The following DHX40 variants were observed in gnomAD, a reference collection of about 807,000 sequenced individuals.
DHX40 encodes the protein DEAH-box helicase 40.
Under a neutral mutation model 89.6 loss-of-function variants are expected in DHX40, and 28 were observed. The ratio of observed to expected loss-of-function variants is 0.31; its 90% CI spans 0.23 to 0.43. The LOEUF (loss-of-function observed/expected upper bound fraction) is 0.43. Ranked by LOEUF, DHX40 falls within the 20% of genes least tolerant of loss-of-function variation. The probability of loss-of-function intolerance (pLI) is 1.00; values close to 1 mark genes in which losing one functional copy is unlikely to be tolerated. For missense variants in DHX40, 457 were observed against 844.0 expected (o/e 0.54, Z 5.68); for synonymous variants, 226 against 283.6 (o/e 0.80, Z 2.04).
chr17:59,575,065 A>G (rs2048861954), intron 6 of DHX40, among the ~76,000 whole-genome samples: 1 of 151,664 alleles, frequency 6.6e-6, no homozygotes, highest in Non-Finnish European at 1.5e-5. Flanking sequence ...CTTTGTTAAC[A>G]ATTTGGTGAG....
At chr17:59,565,930 T>G in intron 1 of DHX40, 147 bp downstream of exon 1, 1 of 626,980 alleles carries the variant, frequency 1.6e-6, no homozygotes, top group Non-Finnish European at 2.5e-6. Context: ...AGGCGAACTT[T>G]GCGTCCAATG....
In DHX40 at chr17:59,588,060, T is replaced by A. The variant is rs759792629; in HGVS notation, c.1582+7T>A. ...AACGTCTTCATTAGACCTGGTAAGA[T>A]GTTTATTTTAAGTTGTGTTTTTTAA... On this transcript the variant is annotated splice_region_variant and intron_variant, in intron 12 of 17. Transcript: ENST00000251241. 1 of 1,611,714 alleles carries A rather than the reference T, an allele frequency of 6.2e-7. No individual in the cohort carries two copies.
intron 1 of DHX40, 94 bp downstream of exon 1, chr17:59,565,877 A>C: frequency 4.6e-6 from 5 of 1,075,944 alleles, no homozygotes; most frequent in Non-Finnish European, 6.3e-6. Context: ...GGCTGAGAAG[A>C]GTAGTGAGGA....
At chr17:59,600,566 C>T (rs2030437491) in intron 14 of DHX40, among the ~76,000 whole-genome samples, 1 of 151,726 alleles carries the variant, frequency 6.6e-6, no homozygotes, top group African/African-American at 2.4e-5. Flanking sequence ...TTTACCTCTA[C>T]TGGGCATTGA....
intron 3 of DHX40, among the ~76,000 whole-genome samples, 160 bp downstream of exon 3, chr17:59,570,823 C>T (rs1029410266): frequency 3.1e-4 from 47 of 152,164 alleles, no homozygotes; most frequent in South Asian, 2.1e-4. Flanking sequence ...GCTGGGACTA[C>T]AGGAGCATGC....
At chr17:59,602,463 A>G in intron 14 of DHX40, 59 bp from the exon 15 acceptor site, 1 of 1,425,156 alleles carries the variant, frequency 7.0e-7, no homozygotes. Flanking sequence ...TTTTCAAAAT[A>G]AAAGATTATT....
chr17:59,568,316 G>A (rs755890016), intron 2 of DHX40, among the ~76,000 whole-genome samples: 7 of 152,064 alleles, frequency 4.6e-5, no homozygotes, highest in Non-Finnish European at 1.0e-4. Flanking sequence ...CTGTCATAAG[G>A]TTTGTAAAGA....
At chr17:59,595,017 A>G (rs931192841) in intron 12 of DHX40, among the ~76,000 whole-genome samples, 4 of 152,104 alleles carry the variant, frequency 2.6e-5, no homozygotes, top group African/African-American at 7.2e-5. Context: ...CACCATTCCC[A>G]GTACAGTTGA....
intron 17 of DHX40, among the ~76,000 whole-genome samples, chr17:59,606,320 C>A (rs1031671522): frequency 3.3e-5 from 5 of 152,158 alleles, no homozygotes; most frequent in Admixed American, 6.5e-5. Context: ...CTCACATACA[C>A]AGAAAACTTC....
At chr17:59,566,306 A>G (rs1452427578) in intron 1 of DHX40, among the ~76,000 whole-genome samples, 2 of 152,362 alleles carry the variant, frequency 1.3e-5, no homozygotes, top group South Asian at 2.1e-4. Flanking sequence ...ATTGTTAAAT[A>G]AAATTGAGTT....
chr17:59,605,582 A>G lies in DHX40; in HGVS notation c.2108A>G (p.Asn703Ser). 9 of 1,614,172 alleles carry G rather than the reference A, an allele frequency of 5.6e-6. No individual in the cohort carries two copies. The highest frequency in any genetic ancestry group is 7.6e-6 in the Non-Finnish European group (9 of 1,180,032). The change falls in exon 17 of 18, where the codon AAT becomes AGT. Residue 703 changes from asparagine (N) to serine (S), a missense_variant. Around this residue, in one of 9 missense-constraint regions of DHX40, gnomAD observed 120 missense variants for 161.7 expected, o/e 0.74. Transcript: ENST00000251241. ...TTGTTACCCAAGTTGCATGAATTTA[A>G]TGCACATGATTTGAGCAGTGTGGCC... Reference protein sequence around the residue: ...RDLLPKLHEFNAHDLSSVARR... With the variant: ...RDLLPKLHEFSAHDLSSVARR...
intron 14 of DHX40, among the ~76,000 whole-genome samples, chr17:59,600,854 T>A (rs551605645): frequency 0.022 from 1,189 of 53,590 alleles, 3 homozygotes; most frequent in African/African-American, 0.034. Flanking sequence ...CTCAAAAAAA[T>A]TTTTTTTTTT....
intron 12 of DHX40, among the ~76,000 whole-genome samples, chr17:59,590,351 C>T (rs1434592413): frequency 2.0e-5 from 3 of 148,174 alleles, no homozygotes; most frequent in South Asian, 2.2e-4. Flanking sequence ...CTGGAAGTGT[C>T]GGGTCCAGAT....
intron 6 of DHX40, among the ~76,000 whole-genome samples, chr17:59,574,558 T>TAC (rs1308501477): frequency 6.6e-6 from 1 of 150,494 alleles, no homozygotes; most frequent in Non-Finnish European, 1.5e-5. Context: ...TATGTATATA[T>TAC]ACACACACAT....
chr17:59,570,211 TTATATATTAAA>T (rs1307137763), intron 2 of DHX40, among the ~76,000 whole-genome samples: 1 of 122,934 alleles, frequency 8.1e-6, no homozygotes, highest in Admixed American at 1.0e-4. Flanking sequence ...ATAATATATA[TTATATATTAAA>T]TATATATTAG....
intron 15 of DHX40, among the ~76,000 whole-genome samples, chr17:59,603,024 CAG>C (rs1189307063): frequency 3.3e-5 from 5 of 152,040 alleles, no homozygotes; most frequent in South Asian, 2.1e-4. Flanking sequence ...GGGCATCAGT[CAG>C]AGTGTAGTGA....
chr17:59,577,302 G>T lies in DHX40; in HGVS notation c.1010G>T (p.Gly337Val). Residue 337 changes from glycine to valine, a missense_variant, in exon 8 of 18, where the codon GGA becomes GTA. Transcript: ENST00000251241. ...AGGATATTTTTGCCACCACCACCTGGAATTAGAAAATGTGTCATATCCACC... is the reference window on the plus strand; with the variant it reads ...AGGATATTTTTGCCACCACCACCTGTAATTAGAAAATGTGTCATATCCACC... ...QRRIFLPPPP[G>V]IRKCVISTNI... The T allele has an allele frequency of 6.2e-7, 1 of 1,613,866 alleles. No homozygotes were observed. The highest frequency in any genetic ancestry group is 8.5e-7 in the Non-Finnish European group (1 of 1,179,854).
chr17:59,594,383 C>CTGA (rs2049122831), intron 12 of DHX40, among the ~76,000 whole-genome samples: 1 of 151,460 alleles, frequency 6.6e-6, no homozygotes, highest in Non-Finnish European at 1.5e-5. Flanking sequence ...ATCCTTTCCC[C>CTGA]ATCCTTTCCT....
rs527782523 is a variant in DHX40 at position 59,598,447 on chromosome 17, C to G, written c.1583-290C>G. ...TTTTTTTTTCTGTAAGCATGGATTA[C>G]TCTTATAACAAAACTAATTTAAAAA... On this transcript the variant is annotated intron_variant, in intron 12 of 17. Transcript: ENST00000251241. 3.3e-5 allele frequency among the ~76,000 whole-genome samples: 5 copies of G among 151,670 alleles called. No homozygotes were observed. In the East Asian group the frequency reaches 9.7e-4, roughly 29 times the overall value.
Sources: allele counts gnomAD v4.1 joint callset (sites outside exome capture counted in the v4.1 genomes callset), GRCh38; gene constraint gnomAD v4.1.1; regional missense constraint gnomAD v4.1.1; transcripts MANE v1.5; gene names NCBI Gene and HGNC (gene_info 2026-07-23, HGNC 2026-07-21).